LNPEP: variants seen among roughly 807,000 people sequenced by gnomAD.
LNPEP encodes leucyl-cystinyl aminopeptidase.
In LNPEP, 64 loss-of-function variants were observed where a neutral mutation model predicts 120.6. The ratio of observed to expected loss-of-function variants is 0.53; its 90% CI spans 0.43 to 0.65. LNPEP has a LOEUF of 0.65. LNPEP is among the 30% of genes least tolerant of loss of function. LNPEP has a pLI of 0.00. For synonymous variants in LNPEP, 435 were observed against 425.4 expected, an observed-to-expected ratio of 1.02 and a Z score of -0.28; for missense variants, 1,057 against 1,200.0, an observed-to-expected ratio of 0.88 and a Z score of 1.76.
chr5:97,037,033 G>A lies in LNPEP; in HGVS notation c.*8500G>A, dbSNP rs1791583216. On this transcript the variant is annotated 3_prime_UTR_variant, in exon 18 of 18. Coordinates refer to ENST00000231368, the MANE Select transcript of LNPEP (RefSeq NM_005575.3). ...AACCATCAGTACAATAATACGCTGT[G>A]TATGTATGTGTATATAAAATGAGAA... 6.6e-6 allele frequency: 1 copy of A among 152,154 alleles called. No individual in the cohort carries two copies. Among genetic ancestry groups the A allele is most frequent in the African/African-American group, 2.4e-5 (1 of 41,434 alleles). 9.4% of individuals were successfully genotyped at this position (152,154 alleles called of 1,614,324 possible).
Position 96,986,550 on chromosome 5 carries a change from C to T in LNPEP, c.1011C>T (p.Val337=), listed in dbSNP as rs142457895. The change falls in exon 4 of 18, where the codon GTC becomes GTT. Residue 337 remains valine, a synonymous_variant. Transcript: ENST00000231368. The stretch of plus-strand genomic sequence containing the variant: ...CCCTTTGCTTGTAGAAGTCATCAGT[C>T]GTTCTAGATGATGGACTTGTTCAGG... ...ALSNMPKKSS[V]VLDDGLVQDE... 35 of 1,612,622 alleles carry T rather than the reference C, an allele frequency of 2.2e-5. No individual in the cohort carries two copies. Among genetic ancestry groups the T allele is most frequent in the Admixed American group, 3.3e-5 (2 of 59,942 alleles).
intron 15 of LNPEP, among the ~76,000 whole-genome samples, chr5:97,025,540 G>C (rs902541755): frequency 6.6e-6 from 1 of 152,154 alleles, no homozygotes. Context: ...CAGTACCTAA[G>C]AATATAGAGT....
chr5:96,950,012 T>G (rs1365605483), intron 1 of LNPEP, among the ~76,000 whole-genome samples: 1 of 152,182 alleles, frequency 6.6e-6, no homozygotes, highest in East Asian at 1.9e-4. Flanking sequence ...TTCCAAATCA[T>G]TTTTTGGAAC....
intron 13 of LNPEP, among the ~76,000 whole-genome samples, chr5:97,018,848 T>A (rs895278528): frequency 4.6e-5 from 7 of 152,210 alleles, no homozygotes; most frequent in African/African-American, 1.7e-4. Context: ...TGTGATGCTG[T>A]AGTGTTGTGA....
intron 12 of LNPEP, among the ~76,000 whole-genome samples, chr5:97,014,721 C>T (rs1791020413): frequency 6.6e-6 from 1 of 152,024 alleles, no homozygotes; most frequent in Non-Finnish European, 1.5e-5. Flanking sequence ...AAAAAATGAG[C>T]TATTGTTTAT....
At chr5:96,986,755 G>A in intron 4 of LNPEP, 85 bp downstream of exon 4, 1 of 1,229,358 alleles carries the variant, frequency 8.1e-7, no homozygotes, top group East Asian at 2.5e-5. Context: ...GGTATTTGCT[G>A]TGTGAAATAA....
chr5:96,945,787 C>T (rs985189574), intron 1 of LNPEP, among the ~76,000 whole-genome samples: 12 of 152,098 alleles, frequency 7.9e-5, no homozygotes, highest in African/African-American at 2.7e-4. Context: ...GGGGTCCATT[C>T]GGTCAGTTGA....
At position 96,964,248 on chromosome 5, in the gene LNPEP, T is replaced by C. The variant is rs567522456; in HGVS notation, c.20-14890T>C. Reference sequence around the variant, plus strand: ...ACTGTCGTGGATCAATTCTAAAACATCCTAATAGCATTGATAGTTTTTTGT... The same window carrying C: ...ACTGTCGTGGATCAATTCTAAAACACCCTAATAGCATTGATAGTTTTTTGT... On this transcript the variant is annotated intron_variant, in intron 1 of 17. Transcript: ENST00000231368. Among the ~76,000 whole-genome samples, 4 of 152,152 alleles carry C rather than the reference T, an allele frequency of 2.6e-5. No individual in the cohort carries two copies. The East Asian group carries it at 7.7e-4, about 29-fold the overall frequency.
rs534317462 is a variant in LNPEP, at chr5:96,982,366, A to G, written c.860+2388A>G. Among the ~76,000 whole-genome samples the G allele has an allele frequency of 3.7e-4, 57 of 152,342 alleles. No homozygotes were observed. In the South Asian group the frequency reaches 0.011, roughly 30 times the overall value. On this transcript the variant is annotated intron_variant, in intron 2 of 17. Transcript: ENST00000231368. ...TTCAACTTTAGTATTTCAGAAAGGA[A>G]ATATACTCTCCAGTGAAAGAATAAG... is the stretch of plus-strand genomic sequence containing the variant.
rs1002552183 is a variant in LNPEP at position 96,993,079 on chromosome 5, A to C, written c.1196A>C (p.Lys399Thr). Residue 399 changes from lysine (K) to threonine (T), a missense_variant, in exon 5 of 18, where the codon AAG becomes ACG. Physicochemically the swap from Lys to Thr is moderately conservative, Grantham distance 78. Coordinates refer to ENST00000231368, the MANE Select transcript of LNPEP (RefSeq NM_005575.3). ...CATTATGCCTTGGAAACAACTGTGA[A>C]GCTTCTTGAGTTTTTTCAAAACTAC... is the stretch of plus-strand genomic sequence containing the variant. ...QVHYALETTV[K>T]LLEFFQNYFE... 6 of 1,599,820 alleles carry C rather than the reference A, an allele frequency of 3.8e-6. No individual in the cohort carries two copies. The highest frequency in any genetic ancestry group is 5.1e-6 in the Non-Finnish European group (6 of 1,169,372).
intron 1 of LNPEP, among the ~76,000 whole-genome samples, chr5:96,972,742 T>G (rs1789899138): frequency 1.3e-5 from 2 of 152,124 alleles, no homozygotes; most frequent in African/African-American, 2.4e-5. Context: ...ATGAGAGGAA[T>G]GATAATCTGG....
chr5:97,033,605 C>G lies in LNPEP; in HGVS notation c.*5072C>G, dbSNP rs920942168. 2 of 152,086 alleles carry G rather than the reference C, an allele frequency of 1.3e-5. No individual in the cohort carries two copies. Among genetic ancestry groups the G allele is most frequent in the Admixed American group, 1.3e-4 (2 of 15,252 alleles). The allele number at this position is 152,086 out of a possible 1,614,324, so 9.4% of individuals were successfully genotyped here. A position where few individuals can be genotyped will look rare whatever the true frequency, so the allele number is the denominator to read the frequency against. On this transcript the variant is annotated 3_prime_UTR_variant, in exon 18 of 18. Coordinates refer to ENST00000231368, the MANE Select transcript of LNPEP (RefSeq NM_005575.3). ...TACTTTTCTGTCACTACCTTTCTTACCTTGTCCTTTACATGGATATATGAA... is the reference window on the plus strand; with the variant it reads ...TACTTTTCTGTCACTACCTTTCTTAGCTTGTCCTTTACATGGATATATGAA...
rs185468456 is a variant in LNPEP, at chr5:96,961,630, T to G, written c.20-17508T>G. ...TCATCCCTCAGTATCCTCTGAGGATTGGTTCCAGGATCCCCTCCCCCCTAC... is the reference window on the plus strand; with the variant it reads ...TCATCCCTCAGTATCCTCTGAGGATGGGTTCCAGGATCCCCTCCCCCCTAC... On this transcript the variant is annotated intron_variant, in intron 1 of 17. Transcript: ENST00000231368. Among the ~76,000 whole-genome samples, 471 of 152,238 alleles carry G rather than the reference T, an allele frequency of 3.1e-3. 6 individuals are homozygous for G. Among genetic ancestry groups the G allele is most frequent in the Admixed American group, 0.022 (334 of 15,280 alleles).
At chr5:97,016,586 C>A (rs1048267621) in intron 13 of LNPEP, among the ~76,000 whole-genome samples, 10 of 152,100 alleles carry the variant, frequency 6.6e-5, no homozygotes, top group Admixed American at 1.3e-4. Context: ...CTAGCAACGT[C>A]GTCTTTCCAG....
intron 4 of LNPEP, among the ~76,000 whole-genome samples, chr5:96,987,209 C>G (rs1790263055): frequency 6.6e-6 from 1 of 151,904 alleles, no homozygotes; most frequent in African/African-American, 2.4e-5. Context: ...TGTATTTTGC[C>G]AAAATTAGAC....
rs561042106 is a variant in LNPEP at position 97,015,713 on chromosome 5, C to A, written c.2376+618C>A. Among the ~76,000 whole-genome samples the A allele has an allele frequency of 5.9e-5, 9 of 152,096 alleles. No individual in the cohort carries two copies. The South Asian group carries it at 1.9e-3, about 32-fold the overall frequency. On this transcript the variant is annotated intron_variant, in intron 13 of 17. Coordinates refer to ENST00000231368, the MANE Select transcript of LNPEP (RefSeq NM_005575.3). ...AAAAATTATTTGTTTTTATCTAATT[C>A]TCTGAATCAGCGCATTTTGACAACA...
chr5:97,028,014 C>T (rs1791388580), intron 17 of LNPEP, among the ~76,000 whole-genome samples, 200 bp downstream of exon 17: 1 of 152,144 alleles, frequency 6.6e-6, no homozygotes, highest in Non-Finnish European at 1.5e-5. Flanking sequence ...AATCTGATTC[C>T]ATTCTCTTCC....
At chr5:97,009,709 C>T (rs571621020) in intron 11 of LNPEP, among the ~76,000 whole-genome samples, 9 of 150,112 alleles carry the variant, frequency 6.0e-5, no homozygotes, top group Non-Finnish European at 1.2e-4. Flanking sequence ...ATTTTAATTC[C>T]TGCCATTTCG....
intron 1 of LNPEP, among the ~76,000 whole-genome samples, chr5:96,941,825 A>G (rs137909164): frequency 9.6e-4 from 146 of 152,366 alleles, no homozygotes; most frequent in Non-Finnish European, 1.9e-3. Flanking sequence ...AAATTGGAAG[A>G]GGAGAATCAA....
Sources: allele counts gnomAD v4.1 joint callset (sites outside exome capture counted in the v4.1 genomes callset), GRCh38; gene constraint gnomAD v4.1.1; transcripts MANE v1.5; gene names NCBI Gene and HGNC (gene_info 2026-07-23, HGNC 2026-07-21).